Variants in MS4A15 observed in about 807,000 individuals in gnomAD.
MS4A15 encodes the protein membrane-spanning 4-domains subfamily A member 15.
In MS4A15, 22 loss-of-function variants were observed where a neutral mutation model predicts 20.6. That is an observed-to-expected ratio of 1.07 (90% CI 0.76 to 1.52). MS4A15 has a LOEUF of 1.52. Ranked by LOEUF, MS4A15 falls within the 40% of genes most tolerant of loss-of-function variation. The pLI is 0.00. For missense variants in MS4A15, 312 were observed against 323.0 expected, an observed-to-expected ratio of 0.97 and a Z score of 0.26; for synonymous variants, 129 against 129.3, an observed-to-expected ratio of 1.00 and a Z score of 0.02.
At chr11:60,767,486 C>T (rs1228640699) in intron 2 of MS4A15, 47 bp from the exon 3 acceptor site, 15 of 1,428,538 alleles carry the variant, frequency 1.1e-5, no homozygotes, top group East Asian at 2.9e-5. Flanking sequence ...CGGCAGGGGG[C>T]GGTGTGGAAC....
intron 6 of MS4A15, among the ~76,000 whole-genome samples, 190 bp downstream of exon 6, chr11:60,774,140 T>C (rs1163689855): frequency 2.0e-5 from 3 of 152,072 alleles, no homozygotes; most frequent in Admixed American, 2.0e-4. Context: ...GGGCTGGGCA[T>C]GGTGACTCAC....
rs554890681 is a variant in MS4A15 at position 60,771,731 on chromosome 11, C to T, written c.405+384C>T. On this transcript the variant is annotated intron_variant, in intron 4 of 6. Coordinates refer to ENST00000405633, the MANE Select transcript of MS4A15 (RefSeq NM_001098835.2). Reference sequence around the variant, plus strand: ...GTGGGCAGGGTCGCCACTGAAACCACGCCTGGCTCCATCCAACGAAGGCAA... The same window carrying T: ...GTGGGCAGGGTCGCCACTGAAACCATGCCTGGCTCCATCCAACGAAGGCAA... The T allele has an allele frequency of 3.4e-5, 43 of 1,248,196 alleles. 1 individual carries two copies. The highest frequency in any genetic ancestry group is 2.3e-4 in the African/African-American group (15 of 64,878). 77.3% of individuals were successfully genotyped at this position (1,248,196 alleles called of 1,614,324 possible). A position where few individuals can be genotyped will look rare whatever the true frequency, so the allele number is the denominator to read the frequency against.
intron 1 of MS4A15, among the ~76,000 whole-genome samples, chr11:60,761,993 G>A (rs1848088): frequency 0.43 from 65,407 of 151,952 alleles, 14,617 homozygotes; most frequent in African/African-American, 0.55. Context: ...TGTAAATTTA[G>A]CCTGGAGCTG....
Position 60,772,484 on chromosome 11 carries a change from C to T in MS4A15, c.406-908C>T, listed in dbSNP as rs118163526. Among the ~76,000 whole-genome samples, 133 of 152,320 alleles carry T rather than the reference C, an allele frequency of 8.7e-4. 1 individual carries two copies. In the East Asian group the frequency reaches 0.024, roughly 28 times the overall value. ...AGGACAAGACCTGACTTACTCTCTCCTGGACTCACAGCACTTTGCATAGTG... is the reference window on the plus strand; with the variant it reads ...AGGACAAGACCTGACTTACTCTCTCTTGGACTCACAGCACTTTGCATAGTG... On this transcript the variant is annotated intron_variant, in intron 4 of 6. Transcript: ENST00000405633.
At chr11:60,774,042 C>A (rs1403146795) in intron 6 of MS4A15, 92 bp downstream of exon 6, 11 of 911,502 alleles carry the variant, frequency 1.2e-5, no homozygotes, top group African/African-American at 4.9e-5. Flanking sequence ...TGCCTCCAGA[C>A]CCCTCCCTCT....
At chr11:60,774,993 C>G (rs2134733734) in intron 6 of MS4A15, among the ~76,000 whole-genome samples, 1 of 152,280 alleles carries the variant, frequency 6.6e-6, no homozygotes, top group South Asian at 2.1e-4. Context: ...AGAGCGAAGT[C>G]CTGAACCAGG....
At chr11:60,771,494 G>A (rs1216400470) in intron 4 of MS4A15, 147 bp downstream of exon 4, 1 of 1,539,536 alleles carries the variant, frequency 6.5e-7, no homozygotes, top group Non-Finnish European at 8.7e-7. Context: ...GCACCACCCA[G>A]GCAGACCAGA....
intron 4 of MS4A15, chr11:60,771,556 C>T (rs1293780187): frequency 2.4e-5 from 37 of 1,529,514 alleles, no homozygotes; most frequent in Admixed American, 1.6e-4. Flanking sequence ...TTTCAATACA[C>T]AAGCCAGGGT....
rs74455087 is a variant in MS4A15 at position 60,757,956 on chromosome 11, G to A, written c.-29+898G>A. Among the ~76,000 whole-genome samples the A allele has an allele frequency of 7.6e-3, 1,161 of 152,268 alleles. 14 individuals are homozygous for A. The highest frequency in any genetic ancestry group is 0.027 in the African/African-American group (1,109 of 41,550). On this transcript the variant is annotated intron_variant, in intron 1 of 6. Coordinates refer to ENST00000405633, the MANE Select transcript of MS4A15 (RefSeq NM_001098835.2). Reference sequence around the variant, plus strand: ...TTTAAAGAGTTAAAGAAAAGTATCCGTGAAAACAGTGTACATTCACCGTTT... The same window carrying A: ...TTTAAAGAGTTAAAGAAAAGTATCCATGAAAACAGTGTACATTCACCGTTT...
intron 1 of MS4A15, among the ~76,000 whole-genome samples, chr11:60,760,610 C>A (rs2134700076): frequency 6.6e-6 from 1 of 152,262 alleles, no homozygotes; most frequent in Middle Eastern, 3.4e-3. Flanking sequence ...GATAATGGCC[C>A]CTGCTATCTT....
At chr11:60,766,262 T>A (rs1305294490) in intron 2 of MS4A15, among the ~76,000 whole-genome samples, 18 of 152,048 alleles carry the variant, frequency 1.2e-4, no homozygotes, top group Admixed American at 1.2e-3. Flanking sequence ...GCACCTGTAA[T>A]CCCCATTACT....
intron 1 of MS4A15, among the ~76,000 whole-genome samples, chr11:60,759,560 G>C (rs1248839331): frequency 3.3e-5 from 5 of 152,052 alleles, no homozygotes; most frequent in African/African-American, 1.2e-4. Flanking sequence ...ATTAGTAAAA[G>C]AGGAAGGCCT....
chr11:60,771,741 C>T, intron 4 of MS4A15: 1 of 1,237,110 alleles, frequency 8.1e-7, no homozygotes, highest in Non-Finnish European at 1.0e-6. Flanking sequence ...CGCCTGGCTC[C>T]ATCCAACGAA....
chr11:60,758,006 G>A (rs752271698), intron 1 of MS4A15, among the ~76,000 whole-genome samples: 10 of 152,182 alleles, frequency 6.6e-5, no homozygotes, highest in Non-Finnish European at 1.3e-4. Flanking sequence ...TGAGGCTCTG[G>A]GAAATGGCTA....
intron 2 of MS4A15, among the ~76,000 whole-genome samples, 165 bp downstream of exon 2, chr11:60,764,123 T>C (rs1359133373): frequency 6.6e-6 from 1 of 152,152 alleles, no homozygotes; most frequent in African/African-American, 2.4e-5. Context: ...CGCATAAAGT[T>C]CACAGAGAGT....
intron 2 of MS4A15, among the ~76,000 whole-genome samples, chr11:60,764,648 C>T (rs754209158): frequency 2.0e-5 from 3 of 152,208 alleles, no homozygotes; most frequent in Admixed American, 6.5e-5. Flanking sequence ...AGGTGGCTTA[C>T]GCCTGTAATC....
chr11:60,763,942 A>C lies in MS4A15; in HGVS notation c.209A>C (p.Glu70Ala), dbSNP rs1280878140. The C allele has an allele frequency of 6.2e-7, 1 of 1,612,594 alleles. No individual in the cohort carries two copies. Among genetic ancestry groups the C allele is most frequent in the African/African-American group, 1.3e-5 (1 of 74,904 alleles). The change falls in exon 2 of 7, where the codon GAG becomes GCG. Residue 70 changes from glutamate to alanine, a missense_variant. Transcript: ENST00000405633. ...LRPVETFLTG[E>A]PKVLGTVQIL... ...CCCGTGGAGACATTCCTGACAGGAG[A>C]GCCCAAAGTTTTGGGGGTAAGAACA... is the stretch of plus-strand genomic sequence containing the variant.
intron 4 of MS4A15, 67 bp from the exon 5 acceptor site, chr11:60,773,325 C>A: frequency 2.1e-6 from 3 of 1,395,908 alleles, no homozygotes; most frequent in Admixed American, 4.0e-5. Context: ...GCAGCTGAGC[C>A]ACAGCCCCTG....
chr11:60,765,545 C>T (rs1853862877), intron 2 of MS4A15, among the ~76,000 whole-genome samples: 2 of 152,154 alleles, frequency 1.3e-5, no homozygotes, highest in African/African-American at 4.8e-5. Context: ...AGAAGGGGAT[C>T]ATCGTTCCTG....
Sources: allele counts gnomAD v4.1 joint callset (sites outside exome capture counted in the v4.1 genomes callset), GRCh38; gene constraint gnomAD v4.1.1; transcripts MANE v1.5; gene names NCBI Gene and HGNC (gene_info 2026-07-23, HGNC 2026-07-21).